Variants in PDE4B observed in about 807,000 individuals in gnomAD.
PDE4B encodes the protein 3',5'-cyclic-AMP phosphodiesterase 4B.
In PDE4B, 20 loss-of-function variants were observed where a neutral mutation model predicts 82.2. The ratio of observed to expected loss-of-function variants is 0.24; its 90% CI spans 0.17 to 0.35. PDE4B has a LOEUF of 0.35. PDE4B is among the 10% of genes least tolerant of loss of function. The pLI is 1.00. For missense variants in PDE4B, 655 were observed against 907.2 expected (o/e 0.72, Z 3.57); for synonymous variants, 320 against 318.9 (o/e 1.00, Z -0.04).
intron 1 of PDE4B, among the ~76,000 whole-genome samples, chr1:65,837,189 A>C (rs1646149748): frequency 6.6e-6 from 1 of 152,090 alleles, no homozygotes; most frequent in South Asian, 2.1e-4. Flanking sequence ...ACTGCCCTAG[A>C]GATTATTTAT....
intron 1 of PDE4B, among the ~76,000 whole-genome samples, chr1:65,904,959 G>A (rs1647012780): frequency 6.6e-6 from 1 of 152,140 alleles, no homozygotes; most frequent in South Asian, 2.1e-4. Flanking sequence ...GACATTTGCA[G>A]TTTACCAGGC....
At chr1:65,996,154 T>C (rs1402576422) in intron 3 of PDE4B, among the ~76,000 whole-genome samples, 3 of 152,168 alleles carry the variant, frequency 2.0e-5, no homozygotes, top group Non-Finnish European at 4.4e-5. Flanking sequence ...GATGATTATC[T>C]CATTGCTTCC....
At position 65,995,897 on chromosome 1, in the gene PDE4B, G is replaced by A. The variant is rs17128192; in HGVS notation, c.281+77062G>A. 4.9e-3 allele frequency among the ~76,000 whole-genome samples: 750 copies of A among 152,234 alleles called. 8 individuals carry two copies. Among genetic ancestry groups the A allele is most frequent in the African/African-American group, 0.016 (668 of 41,540 alleles). On this transcript the variant is annotated intron_variant, in intron 3 of 16. Transcript: ENST00000341517. ...TCATGATGAAGCTAAACAATGCAGA[G>A]GATGCAGTTTATATGCAAACCCACT...
At chr1:66,122,346 C>T (rs17421942) in intron 3 of PDE4B, among the ~76,000 whole-genome samples, 26,013 of 152,042 alleles carry the variant, frequency 0.17, 2,506 homozygotes, top group South Asian at 0.25. Context: ...CACATTTATC[C>T]TCACTGAGTT....
intron 11 of PDE4B, 34 bp downstream of exon 11, chr1:66,363,300 T>A: frequency 1.3e-6 from 2 of 1,554,766 alleles, no homozygotes; most frequent in South Asian, 2.3e-5. Context: ...GGCTTTCCAA[T>A]TGGATGGCTC....
At chr1:66,035,696 G>A (rs1392446549) in intron 3 of PDE4B, among the ~76,000 whole-genome samples, 2 of 152,006 alleles carry the variant, frequency 1.3e-5, no homozygotes, top group Non-Finnish European at 2.9e-5. Context: ...ATTCCATTGT[G>A]TGTGTATATA....
intron 1 of PDE4B, among the ~76,000 whole-genome samples, chr1:65,809,211 A>G (rs1570958127): frequency 6.6e-6 from 1 of 151,722 alleles, no homozygotes; most frequent in East Asian, 1.9e-4. Context: ...CGGGCCTGTA[A>G]TCCCAGCTAC....
At chr1:66,243,236 A>G (rs796222308) in intron 3 of PDE4B, among the ~76,000 whole-genome samples, 2 of 152,216 alleles carry the variant, frequency 1.3e-5, no homozygotes, top group African/African-American at 4.8e-5. Flanking sequence ...AAACAGCAGA[A>G]ACACAAGGCA....
intron 3 of PDE4B, among the ~76,000 whole-genome samples, chr1:66,175,911 CTCTT>C (rs1480951773): frequency 1.3e-5 from 2 of 152,156 alleles, no homozygotes; most frequent in East Asian, 1.9e-4. Flanking sequence ...GAAAAACAAA[CTCTT>C]TCTGTTAATG....
intron 3 of PDE4B, among the ~76,000 whole-genome samples, chr1:65,926,453 C>G (rs1377770122): frequency 1.3e-5 from 2 of 152,068 alleles, no homozygotes; most frequent in Non-Finnish European, 2.9e-5. Flanking sequence ...GATGATAATT[C>G]TTAAGTTTGT....
intron 1 of PDE4B, among the ~76,000 whole-genome samples, chr1:65,859,712 A>T (rs1646432552): frequency 1.3e-5 from 2 of 152,342 alleles, no homozygotes; most frequent in South Asian, 4.1e-4. Context: ...TACAATGTAC[A>T]AATACTGTAG....
chr1:66,049,406 T>C (rs1472643993), intron 3 of PDE4B, among the ~76,000 whole-genome samples: 1 of 152,000 alleles, frequency 6.6e-6, no homozygotes, highest in African/African-American at 2.4e-5. Context: ...TATTGCCAGC[T>C]GATGGGCTTT....
intron 7 of PDE4B, among the ~76,000 whole-genome samples, chr1:66,266,513 T>C (rs529735632): frequency 1.3e-5 from 2 of 152,352 alleles, no homozygotes; most frequent in Admixed American, 1.3e-4. Context: ...ATGTCAACTA[T>C]AGATTCCACT....
intron 7 of PDE4B, among the ~76,000 whole-genome samples, chr1:66,278,217 C>T (rs1379668750): frequency 6.6e-6 from 1 of 152,184 alleles, no homozygotes; most frequent in African/African-American, 2.4e-5. Context: ...AGAAAGATTG[C>T]TGTCCTATTC....
chr1:66,004,255 T>C (rs576366455), intron 3 of PDE4B, among the ~76,000 whole-genome samples: 8 of 152,290 alleles, frequency 5.3e-5, no homozygotes, highest in African/African-American at 1.9e-4. Flanking sequence ...TTGTGTAAAA[T>C]TTATATAATA....
chr1:65,898,361 T>C (rs1646933792), intron 1 of PDE4B, among the ~76,000 whole-genome samples: 1 of 152,124 alleles, frequency 6.6e-6, no homozygotes, highest in African/African-American at 2.4e-5. Flanking sequence ...AATTTTGGTT[T>C]TATTGCAGTT....
intron 8 of PDE4B, among the ~76,000 whole-genome samples, chr1:66,352,584 T>C (rs769141150): frequency 1.8e-4 from 27 of 152,334 alleles, no homozygotes; most frequent in Non-Finnish European, 3.2e-4. Flanking sequence ...GTTGCCGATA[T>C]AGCTAGTAAA....
chr1:66,115,775 T>C (rs557491320), intron 3 of PDE4B, among the ~76,000 whole-genome samples: 1 of 152,340 alleles, frequency 6.6e-6, no homozygotes, highest in African/African-American at 2.4e-5. Context: ...GTGAAGAATC[T>C]TGATAAAATG....
intron 3 of PDE4B, among the ~76,000 whole-genome samples, chr1:66,089,277 C>T (rs953857583): frequency 2.6e-5 from 4 of 152,002 alleles, no homozygotes; most frequent in Non-Finnish European, 4.4e-5. Flanking sequence ...GCTACGTAGC[C>T]GCTATTAAAG....
Sources: gnomAD v4.1 joint callset for allele counts (sites outside exome capture counted in the v4.1 genomes callset) on GRCh38, gnomAD v4.1.1 for gene constraint, MANE v1.5 for transcripts, NCBI Gene and HGNC (gene_info 2026-07-23, HGNC 2026-07-21) for gene names.